Variants in DNAH8 observed in about 807,000 individuals in gnomAD.
DNAH8 encodes dynein axonemal heavy chain 8, also known as axonemal beta dynein heavy chain 8.
Under a neutral mutation model 562.1 loss-of-function variants are expected in DNAH8, and 382 were observed. The observed-to-expected ratio is 0.68, with a 90% CI of 0.63 to 0.74. The LOEUF is 0.74. Among genes scored for constraint, DNAH8 ranks in the 30% least tolerant of loss-of-function variants. DNAH8 has a pLI of 0.00. For synonymous variants in DNAH8, 1,881 were observed against 1,919.4 expected (o/e 0.98, Z 0.52); for missense variants, 5,203 against 5,620.4 (o/e 0.93, Z 2.37).
intron 45 of DNAH8, 150 bp downstream of exon 45, chr6:38,864,210 C>A: frequency 5.3e-6 from 4 of 750,248 alleles, no homozygotes; most frequent in South Asian, 4.1e-5. Flanking sequence ...GTCATTATAA[C>A]CCAGACAGAA....
chr6:38,835,715 G>A (rs1177976257), intron 32 of DNAH8, among the ~76,000 whole-genome samples: 4 of 152,054 alleles, frequency 2.6e-5, no homozygotes, highest in Admixed American at 6.5e-5. Flanking sequence ...TTTGGGATGC[G>A]GTACTAAAGA....
At chr6:38,748,870 A>G (rs1323488702) in intron 8 of DNAH8, among the ~76,000 whole-genome samples, 7 of 151,902 alleles carry the variant, frequency 4.6e-5, no homozygotes, top group Non-Finnish European at 8.8e-5. Flanking sequence ...ATAAAGACTT[A>G]ACAGTTTTAG....
chr6:38,818,681 T>TTAGGAAAC (rs1252528612), intron 26 of DNAH8, among the ~76,000 whole-genome samples: 1 of 152,214 alleles, frequency 6.6e-6, no homozygotes, highest in East Asian at 1.9e-4. Context: ...CCAGTGTGAC[T>TTAGGAAAC]TAGGAAACAG....
chr6:38,958,943 T>C (rs1485098817), intron 82 of DNAH8, among the ~76,000 whole-genome samples: 1 of 152,072 alleles, frequency 6.6e-6, no homozygotes, highest in Non-Finnish European at 1.5e-5. Flanking sequence ...ATCATTCACA[T>C]TGATTAAATG....
intron 12 of DNAH8, among the ~76,000 whole-genome samples, chr6:38,772,400 G>A (rs148478413): frequency 6.6e-6 from 1 of 152,202 alleles, no homozygotes; most frequent in Non-Finnish European, 1.5e-5. Context: ...CCATTCTACT[G>A]GGTATGAAGT....
intron 79 of DNAH8, 63 bp downstream of exon 79, chr6:38,939,051 A>C (rs1783219645): frequency 2.2e-6 from 3 of 1,365,696 alleles, no homozygotes; most frequent in Non-Finnish European, 3.0e-6. Flanking sequence ...GCTCTTTGAT[A>C]TACCATAAAC....
intron 38 of DNAH8, among the ~76,000 whole-genome samples, chr6:38,850,841 T>G (rs1192091576): frequency 6.6e-6 from 1 of 152,208 alleles, no homozygotes; most frequent in African/African-American, 2.4e-5. Context: ...CTTCTTCTCC[T>G]CTTCCTGTGT....
intron 53 of DNAH8, among the ~76,000 whole-genome samples, chr6:38,881,753 G>C (rs866420527): frequency 1.3e-5 from 2 of 152,032 alleles, no homozygotes; most frequent in Non-Finnish European, 2.9e-5. Context: ...GTTTCTCCAC[G>C]TTGGTCAGGC....
At chr6:38,739,053 C>G (rs915723428) in intron 7 of DNAH8, among the ~76,000 whole-genome samples, 1 of 151,994 alleles carries the variant, frequency 6.6e-6, no homozygotes, top group Non-Finnish European at 1.5e-5. Flanking sequence ...TGTAGAATTG[C>G]TTGTTTATAT....
intron 9 of DNAH8, among the ~76,000 whole-genome samples, chr6:38,754,247 C>T (rs777475460): frequency 6.6e-6 from 1 of 152,104 alleles, no homozygotes; most frequent in Non-Finnish European, 1.5e-5. Flanking sequence ...AGATGAAGGA[C>T]GTTTTCCTGA....
intron 23 of DNAH8, among the ~76,000 whole-genome samples, chr6:38,806,485 G>A (rs1425027073): frequency 6.6e-6 from 1 of 152,168 alleles, no homozygotes; most frequent in Admixed American, 6.5e-5. Context: ...AGAAGTGCCT[G>A]TCTTTCAGTT....
chr6:38,773,555 G>A (rs113013618), intron 12 of DNAH8, among the ~76,000 whole-genome samples: 5 of 152,134 alleles, frequency 3.3e-5, no homozygotes, highest in African/African-American at 4.8e-5. Flanking sequence ...AGCTAAGGTA[G>A]CACCCCCTAG....
intron 11 of DNAH8, among the ~76,000 whole-genome samples, chr6:38,769,010 C>T (rs1345396117): frequency 1.3e-5 from 2 of 152,186 alleles, no homozygotes; most frequent in Non-Finnish European, 1.5e-5. Context: ...TTTTAAGGTC[C>T]TAAAGATTAC....
chr6:38,955,008 C>T (rs967626709), intron 82 of DNAH8, among the ~76,000 whole-genome samples: 1 of 152,184 alleles, frequency 6.6e-6, no homozygotes, highest in African/African-American at 2.4e-5. Context: ...CACTCTGTCA[C>T]CCAGGCTGGA....
chr6:38,775,613 T>A (rs544468454), intron 12 of DNAH8, 141 bp from the exon 13 acceptor site: 1 of 576,710 alleles, frequency 1.7e-6, no homozygotes, highest in Non-Finnish European at 3.1e-6. Flanking sequence ...CTGTTTTATC[T>A]CCTCTGGTTG....
intron 32 of DNAH8, 81 bp downstream of exon 32, chr6:38,834,722 T>C: frequency 8.9e-7 from 1 of 1,123,550 alleles, no homozygotes; most frequent in Admixed American, 2.1e-5. Flanking sequence ...TTTTACTTTT[T>C]AATAGAAAAG....
In DNAH8 at chr6:38,807,680, C is replaced by T. The variant is rs1771409091; in HGVS notation, c.3221C>T (p.Ser1074Phe). 2 of 1,541,710 alleles carry T rather than the reference C, an allele frequency of 1.3e-6. No homozygotes were observed. The highest frequency in any genetic ancestry group is 1.7e-6 in the Non-Finnish European group (2 of 1,148,462). Reference sequence around the variant, plus strand: ...AGTCTTCAAAAAGCTACACGGTTATCTCTGGACACAATGAAAAGAAGAATA... The same window carrying T: ...AGTCTTCAAAAAGCTACACGGTTATTTCTGGACACAATGAAAAGAAGAATA... ...LDSLQKATRLSLDTMKRRIFV... is the reference protein window; with the variant it reads ...LDSLQKATRLFLDTMKRRIFV... The change falls in exon 24 of 93, where the codon TCT (serine) becomes TTT (phenylalanine). Residue 1074 changes from serine (S) to phenylalanine (F), a missense_variant. Ser to Phe is a radical substitution (Grantham distance 155, BLOSUM62 -2). Around this residue, in one of 6 missense-constraint regions of DNAH8, gnomAD observed 2,176 missense variants for 2,365.1 expected, o/e 0.92. Coordinates refer to ENST00000327475, the MANE Select transcript of DNAH8 (RefSeq NM_001206927.2).
At position 38,761,783 on chromosome 6, in the gene DNAH8, G is replaced by C; in HGVS notation, c.1597G>C (p.Val533Leu). The part of the protein sequence containing the change: ...LNHVWDQETP[V>L]VLKKIQDCIF... ...CCATGTATGGGATCAGGAAACGCCA[G>C]TTGTACTAAAGAAAATTCAGGTTTG... Residue 533 changes from valine to leucine, a missense_variant, in exon 11 of 93, where the codon GTT (valine) becomes CTT (leucine). Val to Leu is a conservative substitution (Grantham distance 32). Transcript: ENST00000327475. 1 of 1,560,000 alleles carries C rather than the reference G, an allele frequency of 6.4e-7. No individual in the cohort carries two copies. The highest frequency in any genetic ancestry group is 1.2e-5 in the South Asian group (1 of 83,944).
rs151303762 is a variant in DNAH8 at position 38,781,222 on chromosome 6, T to C, written c.2140-32T>C. The C allele has an allele frequency of 1.3e-5, 21 of 1,612,402 alleles. No homozygotes were observed. In the African/African-American group the frequency reaches 2.0e-4, roughly 15 times the overall value. ...TTTTTGCCTTCTCCCTTGTATTGAA[T>C]TCAAACATTAACATCAGATTTTTAA... On this transcript the variant is annotated intron_variant, in intron 15 of 92. Coordinates refer to ENST00000327475, the MANE Select transcript of DNAH8 (RefSeq NM_001206927.2).
Sources: allele counts gnomAD v4.1 joint callset (sites outside exome capture counted in the v4.1 genomes callset), GRCh38; gene constraint gnomAD v4.1.1; regional missense constraint gnomAD v4.1.1; transcripts MANE v1.5; gene names NCBI Gene and HGNC (gene_info 2026-07-23, HGNC 2026-07-21).